Variants in LRRK1 observed in about 807,000 individuals in gnomAD.
LRRK1 encodes the protein leucine-rich repeat serine/threonine-protein kinase 1.
A neutral mutation model predicts 209.1 loss-of-function variants in LRRK1; 113 were observed. The ratio of observed to expected loss-of-function variants is 0.54; its 90% CI spans 0.46 to 0.63. The LOEUF (loss-of-function observed/expected upper bound fraction) is 0.63. Among genes scored for constraint, LRRK1 ranks in the 30% least tolerant of loss-of-function variants. The pLI is 0.00. For missense variants in LRRK1, 2,284 were observed against 2,632.2 expected, an observed-to-expected ratio of 0.87 and a Z score of 2.89; for synonymous variants, 1,144 against 1,099.7, an observed-to-expected ratio of 1.04 and a Z score of -0.80.
intron 2 of LRRK1, among the ~76,000 whole-genome samples, chr15:100,951,481 A>G (rs1024614710): frequency 6.6e-6 from 1 of 152,172 alleles, no homozygotes; most frequent in Non-Finnish European, 1.5e-5. Context: ...TCACAGAAAA[A>G]CTTGCACATA....
Position 101,022,536 on chromosome 15 carries a change from G to C in LRRK1, c.2006G>C (p.Gly669Ala), listed in dbSNP as rs777044065. 1 of 1,614,018 alleles carries C rather than the reference G, an allele frequency of 6.2e-7. No homozygotes were observed. The highest frequency in any genetic ancestry group is 8.5e-7 in the Non-Finnish European group (1 of 1,180,026). The change falls in exon 15 of 34, where the codon GGA becomes GCA. Residue 669 changes from glycine (G) to alanine (A), a missense_variant. Gly to Ala is a moderately conservative substitution (Grantham distance 60, BLOSUM62 0). This residue lies in a region of LRRK1 where 494 missense variants were observed against 522.1 expected (regional missense o/e 0.95). Coordinates refer to ENST00000388948, the MANE Select transcript of LRRK1 (RefSeq NM_024652.6). This position sits in a 1 kb window ranked among gnomAD's most constrained non-coding sequence, Gnocchi z 4.0. ...GGGAGGGCCCCCCAGGTGGTGCATGGAGAGGCCACCATCAGGACCACCAAG... is the reference window on the plus strand; with the variant it reads ...GGGAGGGCCCCCCAGGTGGTGCATGCAGAGGCCACCATCAGGACCACCAAG... ...QTGRAPQVVH[G>A]EATIRTTKWE...
intron 2 of LRRK1, among the ~76,000 whole-genome samples, chr15:100,941,462 CTCTGTGTGTG>C (rs1243191793): frequency 1.8e-4 from 3 of 16,424 alleles, no homozygotes; most frequent in African/African-American, 3.6e-4. Context: ...GTGTCTATGT[CTCTGTGTGTG>C]TGTGTGTGTG....
At chr15:100,978,349 A>G (rs1244910327) in intron 3 of LRRK1, among the ~76,000 whole-genome samples, 1 of 152,236 alleles carries the variant, frequency 6.6e-6, no homozygotes, top group African/African-American at 2.4e-5. Context: ...CAATGGCTGA[A>G]AGCTTCTCAA....
intron 20 of LRRK1, among the ~76,000 whole-genome samples, chr15:101,035,917 T>C (rs1048562794): frequency 6.6e-6 from 1 of 152,198 alleles, no homozygotes; most frequent in Non-Finnish European, 1.5e-5. Flanking sequence ...GCAGTTCTTA[T>C]AGGGCCAGTC....
At position 101,024,531 on chromosome 15, in the gene LRRK1, C is replaced by G. The variant is rs2033934418; in HGVS notation, c.2068-272C>G. Among the ~76,000 whole-genome samples the G allele has an allele frequency of 6.6e-6, 1 of 152,206 alleles. No individual in the cohort carries two copies. Among genetic ancestry groups the G allele is most frequent in the African/African-American group, 2.4e-5 (1 of 41,452 alleles). The stretch of plus-strand genomic sequence containing the variant: ...ATCCCCTACCCATCTGCAGCCCAGA[C>G]AGAGCCAGGCCCTCTGAAGTCTGTC... On this transcript the variant is annotated intron_variant, in intron 15 of 33. Transcript: ENST00000388948. The surrounding 1 kb of genome is among the most constrained non-coding windows in gnomAD (Gnocchi z 4.6).
chr15:100,936,360 C>T (rs575617430), intron 2 of LRRK1, among the ~76,000 whole-genome samples: 1 of 152,312 alleles, frequency 6.6e-6, no homozygotes, highest in Non-Finnish European at 1.5e-5. Context: ...TCTGTAAATA[C>T]ATGGTATCAT....
rs1013128359 is a variant in LRRK1, at chr15:101,069,256, G to A, written c.*408G>A. 6.4e-6 allele frequency: 1 copy of A among 156,214 alleles called. No individual in the cohort carries two copies. Among genetic ancestry groups the A allele is most frequent in the Non-Finnish European group, 1.4e-5 (1 of 70,548 alleles). The allele number at this position is 156,214 out of a possible 1,614,324, so 9.7% of individuals were successfully genotyped here. The stretch of plus-strand genomic sequence containing the variant: ...AATTACACTAGAGGCCCTCCGCTGG[G>A]AAGCACTTGAGGTAGGGCAGGAGGG... On this transcript the variant is annotated 3_prime_UTR_variant, in exon 34 of 34. Coordinates refer to ENST00000388948, the MANE Select transcript of LRRK1 (RefSeq NM_024652.6).
chr15:101,001,046 G>T (rs966213052), intron 6 of LRRK1, among the ~76,000 whole-genome samples: 2 of 152,140 alleles, frequency 1.3e-5, no homozygotes, highest in Non-Finnish European at 2.9e-5. Flanking sequence ...CAGAGTGCAG[G>T]AACTTGAGAA....
intron 4 of LRRK1, among the ~76,000 whole-genome samples, chr15:100,984,401 C>T (rs1258515783): frequency 6.6e-6 from 1 of 152,184 alleles, no homozygotes; most frequent in African/African-American, 2.4e-5. Flanking sequence ...GATAATGACA[C>T]GTGTCCATCA....
chr15:101,064,968 A>G (rs1451492651), intron 31 of LRRK1, among the ~76,000 whole-genome samples: 2 of 151,920 alleles, frequency 1.3e-5, no homozygotes, highest in African/African-American at 4.8e-5. Context: ...GGGCGGGGGC[A>G]CCAGGTCCTG....
chr15:100,923,414 G>A (rs1270291860), intron 1 of LRRK1, among the ~76,000 whole-genome samples: 1 of 152,198 alleles, frequency 6.6e-6, no homozygotes, highest in African/African-American at 2.4e-5. Flanking sequence ...ATTTTTGGCT[G>A]CACTATCACT....
chr15:101,059,407 G>GAGA (rs2036022664), intron 29 of LRRK1, among the ~76,000 whole-genome samples: 1 of 151,280 alleles, frequency 6.6e-6, no homozygotes, highest in Admixed American at 6.6e-5. Context: ...CAGAAAAAAA[G>GAGA]AGAAGTTATT....
chr15:101,025,683 TA>T (rs2141714933), intron 16 of LRRK1, among the ~76,000 whole-genome samples: 1 of 152,302 alleles, frequency 6.6e-6, no homozygotes, highest in South Asian at 2.1e-4. Context: ...TGAACTGACA[TA>T]GGGTGAACGC....
intron 12 of LRRK1, among the ~76,000 whole-genome samples, chr15:101,016,020 C>T (rs1407992005): frequency 6.7e-6 from 1 of 150,230 alleles, no homozygotes; most frequent in Non-Finnish European, 1.5e-5. Flanking sequence ...GACTGAGTCT[C>T]GCTCTGTCGC....
chr15:101,062,721 T>G, intron 31 of LRRK1, 31 bp downstream of exon 31: 1 of 1,496,662 alleles, frequency 6.7e-7, no homozygotes, highest in Non-Finnish European at 9.3e-7. Context: ...GGTATGCAGG[T>G]CTCTGATGCA....
In LRRK1 at chr15:101,024,745, TTGAC is replaced by T; in HGVS notation, c.2068-54_2068-51del. On this transcript the variant is annotated intron_variant, in intron 15 of 33. Transcript: ENST00000388948. The surrounding 1 kb of genome is among the most constrained non-coding windows in gnomAD (Gnocchi z 4.6). ...AGAGTTATCCGTTGTCTCCGTTTGATTGACTGAAGCCTTTGTCTCTAAAATGCCT... is the reference window on the plus strand; with the variant it reads ...AGAGTTATCCGTTGTCTCCGTTTGATTGAAGCCTTTGTCTCTAAAATGCCT... 1 of 1,564,296 alleles carries T rather than the reference TTGAC, an allele frequency of 6.4e-7. No homozygotes were observed. Among genetic ancestry groups the T allele is most frequent in the Non-Finnish European group, 8.7e-7 (1 of 1,143,870 alleles).
intron 2 of LRRK1, among the ~76,000 whole-genome samples, chr15:100,944,296 C>T (rs978844320): frequency 8.5e-5 from 13 of 152,176 alleles, no homozygotes; most frequent in Non-Finnish European, 1.8e-4. Context: ...CTGCAACAAC[C>T]ACAGCGCAGC....
At chr15:101,026,588 T>A (rs904989700) in intron 17 of LRRK1, among the ~76,000 whole-genome samples, 1 of 152,202 alleles carries the variant, frequency 6.6e-6, no homozygotes, top group African/African-American at 2.4e-5. Flanking sequence ...CAGTTAGGCA[T>A]CACGACGTGT....
rs959624597 is a variant in LRRK1, at chr15:100,919,860, C to A, written c.-123+409C>A. 6.6e-6 allele frequency among the ~76,000 whole-genome samples: 1 copy of A among 152,020 alleles called. No homozygotes were observed. Among genetic ancestry groups the A allele is most frequent in the Non-Finnish European group, 1.5e-5 (1 of 67,980 alleles). On this transcript the variant is annotated intron_variant, in intron 1 of 33. Transcript: ENST00000388948. This position sits in a 1 kb window ranked among gnomAD's most constrained non-coding sequence, Gnocchi z 5.8. ...GGTTTCCTCTGCCTTTGGAGCGAAC[C>A]CAGTCCCTTAGCGGGGAGCGGGCGG...
Sources: allele counts gnomAD v4.1 joint callset (sites outside exome capture counted in the v4.1 genomes callset), GRCh38; gene constraint gnomAD v4.1.1; regional missense constraint gnomAD v4.1.1; non-coding constraint Gnocchi (gnomAD v3.1); transcripts MANE v1.5; gene names NCBI Gene and HGNC (gene_info 2026-07-23, HGNC 2026-07-21).